DIAPH2: variants seen among roughly 807,000 people sequenced by gnomAD.
DIAPH2 encodes the protein diaphanous related formin 2.
A neutral mutation model predicts 92.7 loss-of-function variants in DIAPH2; 35 were observed. That is an observed-to-expected ratio of 0.38 (90% CI 0.29 to 0.50). The LOEUF (loss-of-function observed/expected upper bound fraction) is 0.50. Ranked by LOEUF, DIAPH2 falls within the 20% of genes least tolerant of loss-of-function variation. The probability of loss-of-function intolerance (pLI) is 0.94; values close to 1 mark genes in which losing one functional copy is unlikely to be tolerated. For synonymous variants in DIAPH2, 301 were observed against 280.4 expected (o/e 1.07, Z -0.73); for missense variants, 701 against 819.5 (o/e 0.86, Z 1.77).
chrX:97,570,664 G>C (rs763328972), intron 26 of DIAPH2, among the ~76,000 whole-genome samples: 1 of 110,929 alleles, frequency 9.0e-6, no homozygotes, highest in South Asian at 3.9e-4. Flanking sequence ...AGGAGGAGTA[G>C]AGTTGTTTCT....
At chrX:97,490,010 T>C (rs761389738) in intron 26 of DIAPH2, among the ~76,000 whole-genome samples, 13 of 111,722 alleles carry the variant, frequency 1.2e-4, no homozygotes, top group Non-Finnish European at 2.5e-4. Flanking sequence ...TCATTAAATA[T>C]TTGATAAAAT....
intron 26 of DIAPH2, among the ~76,000 whole-genome samples, chrX:97,552,048 A>G (rs1017130154): frequency 3.6e-5 from 4 of 111,887 alleles, no homozygotes; most frequent in African/African-American, 1.3e-4. Context: ...TGTGATCGTG[A>G]TCTGATCACT....
chrX:96,873,171 A>G (rs2065155268), intron 4 of DIAPH2, among the ~76,000 whole-genome samples: 1 of 111,581 alleles, frequency 9.0e-6, no homozygotes, highest in Non-Finnish European at 1.9e-5. Context: ...GCTTTTCTCC[A>G]ACAATGCATG....
intron 5 of DIAPH2, among the ~76,000 whole-genome samples, chrX:96,912,112 T>C (rs1362564064): frequency 1.8e-5 from 2 of 111,172 alleles, no homozygotes; most frequent in African/African-American, 3.3e-5. Context: ...TGCTGTGTAA[T>C]GGGCAATCTA....
intron 22 of DIAPH2, among the ~76,000 whole-genome samples, chrX:97,202,116 G>A (rs1471087855): frequency 9.0e-6 from 1 of 111,704 alleles, no homozygotes. Flanking sequence ...AAATGCTGAG[G>A]CATTTTGTCA....
intron 5 of DIAPH2, among the ~76,000 whole-genome samples, chrX:96,896,230 C>A (rs1602607027): frequency 9.0e-6 from 1 of 111,293 alleles, no homozygotes; most frequent in Non-Finnish European, 1.9e-5. Context: ...AGATGAAAAC[C>A]ACCTCATTGG....
chrX:96,852,972 A>G (rs1295304406), intron 4 of DIAPH2, among the ~76,000 whole-genome samples: 1 of 111,622 alleles, frequency 9.0e-6, no homozygotes, highest in African/African-American at 3.3e-5. Context: ...TGAAGAGTAC[A>G]GGGATTATTA....
chrX:97,041,029 G>A (rs887077234), intron 17 of DIAPH2, among the ~76,000 whole-genome samples: 2 of 110,602 alleles, frequency 1.8e-5, no homozygotes, highest in Non-Finnish European at 3.8e-5. Flanking sequence ...CAGTTTTATG[G>A]GTTTTAACAA....
At chrX:97,417,383 CACACACACACACACAT>C in intron 25 of DIAPH2, among the ~76,000 whole-genome samples, 1 of 109,097 alleles carries the variant, frequency 9.2e-6, no homozygotes, top group East Asian at 2.8e-4. Context: ...CATACACACA[CACACACACACACACAT>C]ACACACACAC....
At chrX:97,079,548 A>G (rs2066727061) in intron 19 of DIAPH2, among the ~76,000 whole-genome samples, 1 of 111,682 alleles carries the variant, frequency 9.0e-6, no homozygotes, top group Non-Finnish European at 1.9e-5. Context: ...AATTTTACAA[A>G]AAACATTACA....
At chrX:97,487,517 G>A (rs749845804) in intron 26 of DIAPH2, among the ~76,000 whole-genome samples, 1 of 111,062 alleles carries the variant, frequency 9.0e-6, no homozygotes, top group East Asian at 2.8e-4. Flanking sequence ...CTCGTGATCC[G>A]CCTGCCTTGA....
At chrX:97,304,051 A>G (rs1374363187) in intron 23 of DIAPH2, among the ~76,000 whole-genome samples, 1 of 112,076 alleles carries the variant, frequency 8.9e-6, no homozygotes, top group Non-Finnish European at 1.9e-5. Flanking sequence ...AAATAGGATT[A>G]TTTTTTAAAT....
intron 22 of DIAPH2, among the ~76,000 whole-genome samples, chrX:97,185,504 T>TACAC (rs2067595566): frequency 1.7e-5 from 1 of 60,439 alleles, no homozygotes; most frequent in Non-Finnish European, 2.9e-5. Flanking sequence ...TATATATATA[T>TACAC]ATATATATAT....
intron 23 of DIAPH2, among the ~76,000 whole-genome samples, chrX:97,312,961 G>A (rs971676280): frequency 9.1e-6 from 1 of 110,018 alleles, no homozygotes; most frequent in Non-Finnish European, 1.9e-5. Flanking sequence ...GGCGGATCAC[G>A]AGGTCAGGAG....
chrX:97,075,359 G>T (rs2066698345), intron 19 of DIAPH2, 98 bp downstream of exon 19: 6 of 444,910 alleles, frequency 1.3e-5, no homozygotes, highest in Non-Finnish European at 2.2e-5. Context: ...TCTATAATTA[G>T]ATTTTTAAAA....
intron 4 of DIAPH2, among the ~76,000 whole-genome samples, chrX:96,872,616 C>A (rs781580145): frequency 9.2e-6 from 1 of 108,289 alleles, no homozygotes; most frequent in Non-Finnish European, 1.9e-5. Context: ...CTCAGCCTCC[C>A]GAGTATCTGG....
At chrX:97,205,834 A>G (rs755459161) in intron 22 of DIAPH2, among the ~76,000 whole-genome samples, 3 of 111,665 alleles carry the variant, frequency 2.7e-5, no homozygotes, top group African/African-American at 6.5e-5. Flanking sequence ...AAATCATTCT[A>G]TTATAAAGAC....
At chrX:97,471,406 A>G (rs1173967322) in intron 26 of DIAPH2, among the ~76,000 whole-genome samples, 1 of 111,753 alleles carries the variant, frequency 8.9e-6, no homozygotes, top group Non-Finnish European at 1.9e-5. Flanking sequence ...TGAAGAAAGA[A>G]TGGGCCGGGC....
intron 4 of DIAPH2, among the ~76,000 whole-genome samples, chrX:96,867,648 T>A (rs992642771): frequency 7.1e-5 from 8 of 112,065 alleles, no homozygotes; most frequent in African/African-American, 2.6e-4. Flanking sequence ...AAGGCTTGAA[T>A]AACCTATACA....
Sources: allele counts gnomAD v4.1 joint callset (sites outside exome capture counted in the v4.1 genomes callset), GRCh38; gene constraint gnomAD v4.1.1; transcripts MANE v1.5; gene names NCBI Gene and HGNC (gene_info 2026-07-23, HGNC 2026-07-21).